Variants in SMYD2 observed in about 807,000 individuals in gnomAD.
SMYD2 encodes the protein SET and MYND domain containing 2, also known as N-lysine methyltransferase SMYD2.
A neutral mutation model predicts 59.1 loss-of-function variants in SMYD2; 53 were observed. That is an observed-to-expected ratio of 0.90 (90% CI 0.72 to 1.13). The LOEUF (loss-of-function observed/expected upper bound fraction) is 1.13, where lower values mean the gene tolerates loss of function less well. SMYD2 is among the 50% of genes most tolerant of loss of function. The probability of loss-of-function intolerance (pLI) is 0.00; values close to 1 mark genes in which losing one functional copy is unlikely to be tolerated. For missense variants in SMYD2, 494 were observed against 544.7 expected (o/e 0.91, Z 0.93); for synonymous variants, 208 against 198.8 (o/e 1.05, Z -0.39).
At chr1:214,296,353 A>G (rs1230732018) in intron 1 of SMYD2, among the ~76,000 whole-genome samples, 1 of 152,208 alleles carries the variant, frequency 6.6e-6, no homozygotes, top group Non-Finnish European at 1.5e-5. Flanking sequence ...ATAATCAAAT[A>G]CTTGCATTTT....
Position 214,300,455 on chromosome 1 carries a change from G to A in SMYD2, c.174-4732G>A, listed in dbSNP as rs573199022. Among the ~76,000 whole-genome samples the A allele has an allele frequency of 3.1e-4, 47 of 152,156 alleles. No individual in the cohort carries two copies. In the East Asian group the frequency reaches 8.1e-3, roughly 26 times the overall value. The stretch of plus-strand genomic sequence containing the variant: ...TGGGTTGAGAGACGCTCTTCTGTGC[G>A]GATGTTCCCTCCCCATATCTCATTT... On this transcript the variant is annotated intron_variant, in intron 1 of 11. Coordinates refer to ENST00000366957, the MANE Select transcript of SMYD2 (RefSeq NM_020197.3).
chr1:214,308,206 T>G (rs1041157338), intron 2 of SMYD2, among the ~76,000 whole-genome samples: 2 of 152,204 alleles, frequency 1.3e-5, no homozygotes, highest in East Asian at 3.8e-4. Flanking sequence ...GCTCCTGAAG[T>G]CTCTTGTTTC....
chr1:214,325,409 G>A lies in SMYD2; in HGVS notation c.602+701G>A, dbSNP rs1014910733. ...CCCTTGCTTCACAGATAGAGCCAAG[G>A]AATTCATCATGCATCCCCCCAGCCT... is the stretch of plus-strand genomic sequence containing the variant. On this transcript the variant is annotated intron_variant, in intron 6 of 11. Transcript: ENST00000366957. 2.6e-5 allele frequency among the ~76,000 whole-genome samples: 4 copies of A among 152,332 alleles called. No homozygotes were observed. The South Asian group carries it at 8.3e-4, about 32-fold the overall frequency.
chr1:214,300,227 T>C (rs1656799525), intron 1 of SMYD2, among the ~76,000 whole-genome samples: 1 of 152,196 alleles, frequency 6.6e-6, no homozygotes. Context: ...GGCAAAGCTT[T>C]TCAGTTTTTA....
intron 10 of SMYD2, chr1:214,333,838 T>G (rs2102480958): frequency 5.2e-6 from 1 of 194,160 alleles, no homozygotes; most frequent in East Asian, 1.1e-4. Context: ...GCTGCCTTCA[T>G]AAATGGGACA....
chr1:214,330,814 T>G, intron 8 of SMYD2, 136 bp from the exon 9 acceptor site: 2 of 1,347,178 alleles, frequency 1.5e-6, no homozygotes, highest in Non-Finnish European at 2.0e-6. Flanking sequence ...ATTGCCTGAT[T>G]TCCTTTCATT....
In SMYD2 at chr1:214,336,839, AT is replaced by A; in HGVS notation, c.*58del. ...ACACTTAGTTCAGAAACCTTAAAGG[AT>A]TTGAATATTTCAAATTGCACACGTC... On this transcript the variant is annotated 3_prime_UTR_variant, in exon 12 of 12. Coordinates refer to ENST00000366957, the MANE Select transcript of SMYD2 (RefSeq NM_020197.3). The A allele has an allele frequency of 6.8e-7, 1 of 1,471,820 alleles. No individual in the cohort carries two copies. The allele number at this position is 1,471,820 out of a possible 1,614,324, so 91.2% of individuals were successfully genotyped here. A position where few individuals can be genotyped will look rare whatever the true frequency, so the allele number is the denominator to read the frequency against.
At chr1:214,303,455 T>C (rs1656858820) in intron 1 of SMYD2, among the ~76,000 whole-genome samples, 1 of 152,162 alleles carries the variant, frequency 6.6e-6, no homozygotes, top group African/African-American at 2.4e-5. Flanking sequence ...AGATATACCC[T>C]AGGGGATAGG....
At chr1:214,335,933 C>T (rs1657428544) in intron 11 of SMYD2, among the ~76,000 whole-genome samples, 1 of 152,146 alleles carries the variant, frequency 6.6e-6, no homozygotes, top group Non-Finnish European at 1.5e-5. Context: ...AAAGAGTATG[C>T]TTTTCGAAAG....
At chr1:214,302,688 T>G (rs1432436742) in intron 1 of SMYD2, among the ~76,000 whole-genome samples, 1 of 152,114 alleles carries the variant, frequency 6.6e-6, no homozygotes, top group African/African-American at 2.4e-5. Context: ...CAGCCTTTGG[T>G]AGAGGTATTA....
At chr1:214,286,468 TA>T (rs1040964751) in intron 1 of SMYD2, among the ~76,000 whole-genome samples, 4 of 151,334 alleles carry the variant, frequency 2.6e-5, no homozygotes, top group Admixed American at 1.3e-4. Flanking sequence ...CCCTGTCTCT[TA>T]AAAAAAATAA....
intron 1 of SMYD2, among the ~76,000 whole-genome samples, chr1:214,285,774 G>C (rs1409472023): frequency 6.6e-6 from 1 of 152,186 alleles, no homozygotes; most frequent in Non-Finnish European, 1.5e-5. Flanking sequence ...CCTTGTGCCA[G>C]CATGCTAGAG....
chr1:214,333,471 C>CA (rs945527195), intron 10 of SMYD2: 22 of 152,252 alleles, frequency 1.4e-4, no homozygotes, highest in African/African-American at 4.3e-4. Context: ...CAGGGTGGAA[C>CA]AGCCTAGCCT....
Position 214,324,719 on chromosome 1 carries a change from T to C in SMYD2, c.602+11T>C. The stretch of plus-strand genomic sequence containing the variant: ...AGCGATATTTCCTGAGTAGGCTGTG[T>C]TTGACTTCATTTCTTTCCTTTTTAC... On this transcript the variant is annotated intron_variant, in intron 6 of 11. Coordinates refer to ENST00000366957, the MANE Select transcript of SMYD2 (RefSeq NM_020197.3). The C allele has an allele frequency of 6.2e-7, 1 of 1,602,814 alleles. No homozygotes were observed. The highest frequency in any genetic ancestry group is 8.5e-7 in the Non-Finnish European group (1 of 1,176,084).
At chr1:214,289,614 G>A (rs1656604565) in intron 1 of SMYD2, among the ~76,000 whole-genome samples, 3 of 152,150 alleles carry the variant, frequency 2.0e-5, no homozygotes, top group South Asian at 2.1e-4. Flanking sequence ...CTCCTCTATG[G>A]GTTTGGTTAC....
intron 5 of SMYD2, among the ~76,000 whole-genome samples, chr1:214,320,130 G>A (rs907709955): frequency 2.6e-5 from 4 of 152,184 alleles, no homozygotes; most frequent in African/African-American, 7.2e-5. Flanking sequence ...GCCAGTAGTG[G>A]GAGTTTGGTT....
intron 1 of SMYD2, among the ~76,000 whole-genome samples, chr1:214,285,547 T>G (rs1194531202): frequency 1.3e-5 from 2 of 152,234 alleles, no homozygotes; most frequent in East Asian, 1.9e-4. Context: ...TTTAGATGTA[T>G]TTTTATAAAA....
At chr1:214,288,836 TATTA>T (rs1163639845) in intron 1 of SMYD2, among the ~76,000 whole-genome samples, 1 of 152,164 alleles carries the variant, frequency 6.6e-6, no homozygotes, top group Non-Finnish European at 1.5e-5. Flanking sequence ...ATATTTTTAA[TATTA>T]CGCTAGGACT....
At chr1:214,325,320 G>T (rs1334980508) in intron 6 of SMYD2, among the ~76,000 whole-genome samples, 4 of 152,232 alleles carry the variant, frequency 2.6e-5, no homozygotes, top group Non-Finnish European at 5.9e-5. Context: ...TGCCAAGAAT[G>T]ATTTTGCCTT....
Sources: allele counts gnomAD v4.1 joint callset (sites outside exome capture counted in the v4.1 genomes callset), GRCh38; gene constraint gnomAD v4.1.1; transcripts MANE v1.5; gene names NCBI Gene and HGNC (gene_info 2026-07-23, HGNC 2026-07-21).